The following TFDP2 variants were observed in gnomAD, a reference collection of about 807,000 sequenced individuals.
TFDP2 encodes transcription factor Dp-2 (E2F dimerization partner 2).
A neutral mutation model predicts 59.3 loss-of-function variants in TFDP2; 17 were observed. The ratio of observed to expected loss-of-function variants is 0.29; its 90% CI spans 0.20 to 0.43. The LOEUF is 0.43. TFDP2 is among the 20% of genes least tolerant of loss of function. The pLI, the probability that TFDP2 is intolerant of heterozygous loss-of-function variation, is 1.00. For synonymous variants in TFDP2, 180 were observed against 194.7 expected (o/e 0.92, Z 0.63); for missense variants, 391 against 528.8 (o/e 0.74, Z 2.56).
chr3:142,147,467 C>T (rs2063217964), intron 1 of TFDP2, among the ~76,000 whole-genome samples: 2 of 152,150 alleles, frequency 1.3e-5, no homozygotes, highest in Non-Finnish European at 2.9e-5. Flanking sequence ...AGAATTTTAG[C>T]TGCCAGAGAA....
chr3:142,082,291 C>T (rs2060663094), intron 3 of TFDP2, among the ~76,000 whole-genome samples: 1 of 152,174 alleles, frequency 6.6e-6, no homozygotes, highest in South Asian at 2.1e-4. Context: ...AGGGCTCCCA[C>T]TGATTCTACA....
At chr3:142,116,177 G>A (rs931254757) in intron 1 of TFDP2, among the ~76,000 whole-genome samples, 6 of 151,346 alleles carry the variant, frequency 4.0e-5, no homozygotes, top group Non-Finnish European at 8.8e-5. Flanking sequence ...CAATCCTCCC[G>A]CCTTAACTCC....
At chr3:141,993,929 T>G (rs1943027521) in intron 5 of TFDP2, among the ~76,000 whole-genome samples, 1 of 152,240 alleles carries the variant, frequency 6.6e-6, no homozygotes, top group Non-Finnish European at 1.5e-5. Flanking sequence ...CAAATGGGGC[T>G]GAAAACATCC....
intron 1 of TFDP2, among the ~76,000 whole-genome samples, chr3:142,116,063 A>G (rs2061843600): frequency 6.8e-6 from 1 of 146,630 alleles, no homozygotes; most frequent in African/African-American, 2.5e-5. Flanking sequence ...TCATTTTGCA[A>G]CTTTTTTTTT....
intron 1 of TFDP2, among the ~76,000 whole-genome samples, chr3:142,142,345 T>C (rs2062990223): frequency 6.6e-6 from 1 of 152,188 alleles, no homozygotes; most frequent in Non-Finnish European, 1.5e-5. Context: ...TAAAAGTAAC[T>C]CCATTTACAA....
intron 3 of TFDP2, among the ~76,000 whole-genome samples, chr3:142,040,825 G>C (rs1298933644): frequency 6.6e-6 from 1 of 152,044 alleles, no homozygotes; most frequent in Non-Finnish European, 1.5e-5. Context: ...AATCACTTGA[G>C]CCCAGGAGTT....
intron 3 of TFDP2, among the ~76,000 whole-genome samples, chr3:142,011,470 T>C (rs1188904620): frequency 1.6e-5 from 2 of 123,190 alleles, no homozygotes; most frequent in Non-Finnish European, 3.4e-5. Context: ...GGGATAGCAT[T>C]GGGAGATATA....
chr3:142,099,561 C>T (rs1210455864), intron 2 of TFDP2, among the ~76,000 whole-genome samples: 1 of 151,928 alleles, frequency 6.6e-6, no homozygotes, highest in East Asian at 1.9e-4. Context: ...ATTAGCCGGG[C>T]ATGGTGCACA....
At chr3:142,079,293 A>C (rs1050027959) in intron 3 of TFDP2, among the ~76,000 whole-genome samples, 3 of 152,014 alleles carry the variant, frequency 2.0e-5, no homozygotes, top group Non-Finnish European at 4.4e-5. Flanking sequence ...ACAGGGCGAG[A>C]CTCCATCTCA....
At chr3:142,107,699 G>A (rs1176638611) in intron 1 of TFDP2, among the ~76,000 whole-genome samples, 2 of 152,056 alleles carry the variant, frequency 1.3e-5, no homozygotes, top group Non-Finnish European at 2.9e-5. Flanking sequence ...CAGTTTTAGA[G>A]AGTTCAAGCA....
intron 9 of TFDP2, among the ~76,000 whole-genome samples, chr3:141,968,292 T>C (rs1420791537): frequency 8.1e-6 from 1 of 123,350 alleles, no homozygotes; most frequent in Admixed American, 8.9e-5. Flanking sequence ...TAACAATATA[T>C]ATAATATATA....
At chr3:142,113,257 A>T (rs913078584) in intron 1 of TFDP2, among the ~76,000 whole-genome samples, 19 of 151,964 alleles carry the variant, frequency 1.3e-4, no homozygotes, top group African/African-American at 3.4e-4. Context: ...TTTATTTTTT[A>T]TTTATTTATT....
intron 1 of TFDP2, among the ~76,000 whole-genome samples, chr3:142,137,369 T>G (rs533135573): frequency 2.0e-5 from 3 of 152,190 alleles, no homozygotes; most frequent in African/African-American, 4.8e-5. Flanking sequence ...TGAATACCCT[T>G]TATTTCTTTC....
At chr3:142,005,598 C>A in intron 3 of TFDP2, 54 bp from the exon 4 acceptor site, 1 of 1,222,306 alleles carries the variant, frequency 8.2e-7, no homozygotes, top group Non-Finnish European at 1.2e-6. Context: ...AGGCCATTTT[C>A]TAGCTATATA....
chr3:141,983,369 G>A (rs1298472564), intron 6 of TFDP2, among the ~76,000 whole-genome samples: 1 of 152,208 alleles, frequency 6.6e-6, no homozygotes, highest in Non-Finnish European at 1.5e-5. Flanking sequence ...AGGTGCAGTG[G>A]CTCGTGCCTG....
At chr3:142,071,104 A>G (rs1336723166) in intron 3 of TFDP2, among the ~76,000 whole-genome samples, 1 of 152,188 alleles carries the variant, frequency 6.6e-6, no homozygotes, top group Non-Finnish European at 1.5e-5. Flanking sequence ...GTGTGGCAGA[A>G]GGATAGGTGT....
chr3:142,059,018 A>G (rs1272086640), intron 3 of TFDP2, among the ~76,000 whole-genome samples: 1 of 152,168 alleles, frequency 6.6e-6, no homozygotes, highest in African/African-American at 2.4e-5. Context: ...GACACTCATT[A>G]CTTTGGAGAT....
rs773951005 is a variant in TFDP2, at chr3:141,978,721, A to G, written c.357-39T>C. ...AAGTTTTTTTTACTCCATTATACAT[A>G]TTAGAGACTTTCTTTACAAATCTCT... is the stretch of plus-strand genomic sequence containing the variant. On this transcript the variant is annotated intron_variant, in intron 6 of 12. Transcript: ENST00000489671. The G allele has an allele frequency of 5.6e-6, 8 of 1,423,780 alleles. No individual in the cohort carries two copies. In the Admixed American group the frequency reaches 1.3e-4, roughly 23 times the overall value. The allele number at this position is 1,423,780 out of a possible 1,614,324, so 88.2% of individuals were successfully genotyped here. A position where few individuals can be genotyped will look rare whatever the true frequency, so the allele number is the denominator to read the frequency against.
chr3:141,960,492 A>G (rs999575298), intron 10 of TFDP2, among the ~76,000 whole-genome samples: 1 of 152,214 alleles, frequency 6.6e-6, no homozygotes, highest in Non-Finnish European at 1.5e-5. Context: ...AGGAAGACAC[A>G]GTCCTTCCGA....
Sources: gnomAD v4.1 joint callset for allele counts (sites outside exome capture counted in the v4.1 genomes callset) on GRCh38, gnomAD v4.1.1 for gene constraint, MANE v1.5 for transcripts, NCBI Gene and HGNC (gene_info 2026-07-23, HGNC 2026-07-21) for gene names.